ELP3: variants seen among roughly 807,000 people sequenced by gnomAD.
ELP3 encodes the protein elongator acetyltransferase complex subunit 3.
A neutral mutation model predicts 74.9 loss-of-function variants in ELP3; 56 were observed. That is an observed-to-expected ratio of 0.75 (90% confidence interval 0.60 to 0.93). The LOEUF is 0.93. ELP3 is among the 40% of genes least tolerant of loss of function. The pLI, the probability that ELP3 is intolerant of heterozygous loss-of-function variation, is 0.00. For missense variants in ELP3, 573 were observed against 686.5 expected, an observed-to-expected ratio of 0.83 and a Z score of 1.85; for synonymous variants, 222 against 239.8, an observed-to-expected ratio of 0.93 and a Z score of 0.68.
intron 14 of ELP3, chr8:28,183,155 C>T (rs766926110): frequency 2.0e-5 from 9 of 456,024 alleles, no homozygotes; most frequent in Non-Finnish European, 2.6e-5. Flanking sequence ...TAGTAAAGCT[C>T]GTGTACAAAT....
upstream of ELP3, among the ~76,000 whole-genome samples, chr8:28,092,407 T>C (rs1317268778): frequency 6.6e-6 from 1 of 152,128 alleles, no homozygotes; most frequent in Non-Finnish European, 1.5e-5. Context: ...TTTTGTATTT[T>C]TAGTAGAGAC....
rs1249748489 is a variant in ELP3, at chr8:28,132,520, T to C, written c.906+116T>C. The C allele has an allele frequency of 3.1e-6, 4 of 1,300,958 alleles. No individual in the cohort carries two copies. In the African/African-American group the frequency reaches 4.4e-5, roughly 14 times the overall value. The allele number at this position is 1,300,958 out of a possible 1,614,324, so 80.6% of individuals were successfully genotyped here. A position where few individuals can be genotyped will look rare whatever the true frequency, so the allele number is the denominator to read the frequency against. Reference sequence around the variant, plus strand: ...CCAGTGTTAAAGAAATGCATCCTTATTATAGAATATTAGAAACACAGTAGG... The same window carrying C: ...CCAGTGTTAAAGAAATGCATCCTTACTATAGAATATTAGAAACACAGTAGG... On this transcript the variant is annotated intron_variant, in intron 9 of 14. Coordinates refer to ENST00000256398, the MANE Select transcript of ELP3 (RefSeq NM_018091.6).
rs1010816889 is a variant in ELP3, at chr8:28,093,586, G to C, written c.19+353G>C. 21 of 320,484 alleles carry C rather than the reference G, an allele frequency of 6.6e-5. No individual in the cohort carries two copies. The Admixed American group carries it at 8.7e-4, about 13-fold the overall frequency. 19.9% of individuals were successfully genotyped at this position (320,484 alleles called of 1,614,324 possible). A position where few individuals can be genotyped will look rare whatever the true frequency, so the allele number is the denominator to read the frequency against. ...GTTTCACGACACATTTGACGTGTTA[G>C]AGAGTTTCTTTTAAAGCCTTATTTT... On this transcript the variant is annotated intron_variant, in intron 1 of 14. Transcript: ENST00000256398.
At chr8:28,161,628 A>G (rs1814093877) in intron 13 of ELP3, among the ~76,000 whole-genome samples, 1 of 151,090 alleles carries the variant, frequency 6.6e-6, no homozygotes, top group Non-Finnish European at 1.5e-5. Context: ...AAAAAAAAAA[A>G]AGTAGAGAGG....
chr8:28,163,491 G>T lies in ELP3; in HGVS notation c.1567+1413G>T, dbSNP rs1407798802. Reference sequence around the variant, plus strand: ...ACTTATAATCATTTAGTGTGGTTGAGGTTTTTGGCATTATCCAGACAGATT... The same window carrying T: ...ACTTATAATCATTTAGTGTGGTTGATGTTTTTGGCATTATCCAGACAGATT... On this transcript the variant is annotated intron_variant, in intron 14 of 14. Transcript: ENST00000256398. Among the ~76,000 whole-genome samples, 3 of 150,226 alleles carry T rather than the reference G, an allele frequency of 2.0e-5. No homozygotes were observed. In the East Asian group the frequency reaches 5.8e-4, roughly 29 times the overall value.
At chr8:28,104,419 G>A (rs1811606086) in intron 3 of ELP3, among the ~76,000 whole-genome samples, 1 of 152,126 alleles carries the variant, frequency 6.6e-6, no homozygotes, top group Admixed American at 6.5e-5. Flanking sequence ...TGTTAACTTG[G>A]ATACATTACT....
chr8:28,185,278 A>T (rs1815191794), intron 14 of ELP3, among the ~76,000 whole-genome samples: 1 of 152,220 alleles, frequency 6.6e-6, no homozygotes, highest in African/African-American at 2.4e-5. Context: ...TTAAGAAGTC[A>T]TCCTGCCCTT....
At position 28,140,411 on chromosome 8, in the gene ELP3, C is replaced by A. The variant is rs935168059; in HGVS notation, c.1100+2520C>A. ...AATCCACTAGTTTATACCAATATTCCTAATTAATAAATTGTAAGTGTGATT... is the reference window on the plus strand; with the variant it reads ...AATCCACTAGTTTATACCAATATTCATAATTAATAAATTGTAAGTGTGATT... On this transcript the variant is annotated intron_variant, in intron 10 of 14. Coordinates refer to ENST00000256398, the MANE Select transcript of ELP3 (RefSeq NM_018091.6). Among the ~76,000 whole-genome samples, 2 of 152,104 alleles carry A rather than the reference C, an allele frequency of 1.3e-5. 1 individual carries two copies. Among genetic ancestry groups the A allele is most frequent in the Middle Eastern group, 6.3e-3 (2 of 316 alleles).
At chr8:28,119,415 T>C (rs1254466565) in intron 7 of ELP3, among the ~76,000 whole-genome samples, 1 of 151,656 alleles carries the variant, frequency 6.6e-6, no homozygotes. Flanking sequence ...CGCGTGTGCT[T>C]GCGCTGTCTT....
chr8:28,132,965 G>A (rs901588971), intron 9 of ELP3, among the ~76,000 whole-genome samples: 4 of 151,998 alleles, frequency 2.6e-5, no homozygotes, highest in Non-Finnish European at 5.9e-5. Flanking sequence ...GAATTATCAG[G>A]TAAAGGTAGA....
At chr8:28,189,378 G>A (rs1316618954) in intron 14 of ELP3, among the ~76,000 whole-genome samples, 3 of 152,184 alleles carry the variant, frequency 2.0e-5, no homozygotes, top group Non-Finnish European at 2.9e-5. Context: ...GGGTGCACAC[G>A]TTTGCTGTTG....
rs1813465248 is a variant in ELP3, at chr8:28,147,125, G to A, written c.1101-8817G>A. Among the ~76,000 whole-genome samples the A allele has an allele frequency of 6.6e-6, 1 of 152,022 alleles. No homozygotes were observed. Among genetic ancestry groups the A allele is most frequent in the Non-Finnish European group, 1.5e-5 (1 of 68,000 alleles). ...CCACAGATTCTGTAGCAGCCTCCTG[G>A]GTCTTTTTATCATACAGTTCTGCTT... On this transcript the variant is annotated intron_variant, in intron 10 of 14. Coordinates refer to ENST00000256398, the MANE Select transcript of ELP3 (RefSeq NM_018091.6). This position sits in a 1 kb window ranked among gnomAD's most constrained non-coding sequence, Gnocchi z 4.5.
chr8:28,124,640 G>A (rs959608435), intron 7 of ELP3, among the ~76,000 whole-genome samples: 5 of 151,918 alleles, frequency 3.3e-5, no homozygotes, highest in African/African-American at 4.8e-5. Flanking sequence ...TATTAATAAT[G>A]TGTTGCTGCT....
chr8:28,099,690 G>T lies in ELP3; in HGVS notation c.120-138G>T, dbSNP rs542129927. The T allele has an allele frequency of 1.7e-5, 16 of 952,248 alleles. No individual in the cohort carries two copies. In the South Asian group the frequency reaches 2.3e-4, roughly 14 times the overall value. The allele number at this position is 952,248 out of a possible 1,614,324, so 59.0% of individuals were successfully genotyped here. A position where few individuals can be genotyped will look rare whatever the true frequency, so the allele number is the denominator to read the frequency against. On this transcript the variant is annotated intron_variant, in intron 2 of 14. Transcript: ENST00000256398. ...TTCTTCTATTTCCCTGATAGTCACA[G>T]ATCTTAAAACTATCCTTGTCACGTG... is the stretch of plus-strand genomic sequence containing the variant.
chr8:28,141,076 A>G (rs1288631003), intron 10 of ELP3, among the ~76,000 whole-genome samples: 1 of 152,164 alleles, frequency 6.6e-6, no homozygotes, highest in African/African-American at 2.4e-5. Context: ...TTAACTACTT[A>G]TTGCCTGCTA....
intron 1 of ELP3, among the ~76,000 whole-genome samples, chr8:28,094,447 G>A (rs921298328): frequency 6.6e-6 from 1 of 152,216 alleles, no homozygotes; most frequent in East Asian, 1.9e-4. Flanking sequence ...GGCCAGGCGC[G>A]GTGGCTCATG....
rs745685451 is a variant in ELP3, at chr8:28,093,231, A to G, written c.17A>G (p.Lys6Arg). 1 of 1,613,260 alleles carries G rather than the reference A, an allele frequency of 6.2e-7. No individual in the cohort carries two copies. Among genetic ancestry groups the G allele is most frequent in the Non-Finnish European group, 8.5e-7 (1 of 1,179,904 alleles). The change falls in exon 1 of 15, where the codon AAA becomes AGA. Residue 6 changes from lysine (K) to arginine (R), a missense_variant and splice_region_variant. Transcript: ENST00000256398. MRQKR[K>R]GDLSPAELMM... ...GGCGCAGAAATGAGGCAGAAGCGGA[A>G]AGGTGCGAAAGGGGAAGGAGATGGG... is the stretch of plus-strand genomic sequence containing the variant.
chr8:28,162,147 T>A (rs1196041861), intron 14 of ELP3, 69 bp downstream of exon 14: 87 of 1,495,350 alleles, frequency 5.8e-5, no homozygotes, highest in Middle Eastern at 1.7e-4. Context: ...GAAAACTATG[T>A]TGGTACCCTC....
At chr8:28,157,977 C>T (rs772692463) in intron 11 of ELP3, among the ~76,000 whole-genome samples, 5 of 149,534 alleles carry the variant, frequency 3.3e-5, no homozygotes, top group Non-Finnish European at 7.4e-5. Flanking sequence ...TCCCTCCCTC[C>T]CTCTCTTCCT....
Sources: allele counts gnomAD v4.1 joint callset (sites outside exome capture counted in the v4.1 genomes callset), GRCh38; gene constraint gnomAD v4.1.1; non-coding constraint Gnocchi (gnomAD v3.1); transcripts MANE v1.5; gene names NCBI Gene and HGNC (gene_info 2026-07-23, HGNC 2026-07-21).